MEGF10: variants seen among roughly 807,000 people sequenced by gnomAD.
MEGF10 encodes multiple EGF like domains 10, also known as multiple epidermal growth factor-like domains protein 10.
A neutral mutation model predicts 147.5 loss-of-function variants in MEGF10; 86 were observed. The ratio of observed to expected loss-of-function variants is 0.58; its 90% confidence interval spans 0.49 to 0.70. The LOEUF (loss-of-function observed/expected upper bound fraction) is 0.70. Ranked by LOEUF, MEGF10 falls within the 30% of genes least tolerant of loss-of-function variation. MEGF10 has a pLI of 0.00. For synonymous variants in MEGF10, 478 were observed against 525.5 expected (o/e 0.91, Z 1.24); for missense variants, 1,329 against 1,487.3 (o/e 0.89, Z 1.75).
At chr5:127,355,571 G>C (rs1332876331) in intron 4 of MEGF10, among the ~76,000 whole-genome samples, 1 of 152,126 alleles carries the variant, frequency 6.6e-6, no homozygotes, top group Non-Finnish European at 1.5e-5. Context: ...ACAGGGGAAG[G>C]CCTTTTGTCC....
intron 1 of MEGF10, among the ~76,000 whole-genome samples, chr5:127,318,300 G>T (rs181670781): frequency 6.6e-6 from 1 of 152,274 alleles, no homozygotes; most frequent in East Asian, 1.9e-4. Context: ...GCACTAGGTT[G>T]TAGCAGCCTG....
At chr5:127,315,398 A>G (rs1022502235) in intron 1 of MEGF10, among the ~76,000 whole-genome samples, 1 of 152,188 alleles carries the variant, frequency 6.6e-6, no homozygotes, top group Non-Finnish European at 1.5e-5. Context: ...GTCCATTAAT[A>G]TATTTTAAAA....
chr5:127,387,637 T>C (rs1280018142), intron 5 of MEGF10, among the ~76,000 whole-genome samples: 2 of 152,202 alleles, frequency 1.3e-5, no homozygotes, highest in African/African-American at 4.8e-5. Flanking sequence ...ATTGCATTGA[T>C]GGATTTGGGT....
At chr5:127,418,210 T>C (rs932033839) in intron 10 of MEGF10, among the ~76,000 whole-genome samples, 1 of 152,234 alleles carries the variant, frequency 6.6e-6, no homozygotes, top group African/African-American at 2.4e-5. Flanking sequence ...TTGTAATGTA[T>C]TTACATTCTG....
intron 4 of MEGF10, among the ~76,000 whole-genome samples, chr5:127,364,704 A>G (rs533620974): frequency 7.2e-5 from 11 of 152,324 alleles, no homozygotes; most frequent in Middle Eastern, 3.4e-3. Context: ...TGTGGGGAAG[A>G]TAAAGTATAT....
intron 1 of MEGF10, among the ~76,000 whole-genome samples, chr5:127,314,501 C>G (rs186962217): frequency 2.6e-5 from 4 of 152,286 alleles, no homozygotes; most frequent in Non-Finnish European, 4.4e-5. Context: ...TTAGAGATTT[C>G]TATGCAGTTT....
chr5:127,440,317 T>C (rs1456603175), intron 17 of MEGF10, among the ~76,000 whole-genome samples: 1 of 152,248 alleles, frequency 6.6e-6, no homozygotes, highest in Non-Finnish European at 1.5e-5. Flanking sequence ...AGAGATGTTC[T>C]GTACTACAAG....
At chr5:127,250,575 AAAC>A in the MEGF10 span, among the ~76,000 whole-genome samples, 2 of 152,066 alleles carry the variant, frequency 1.3e-5, no homozygotes, top group African/African-American at 4.8e-5. Context: ...AAATCATTAG[AAAC>A]ATTCCTACTA....
At chr5:127,404,019 C>G (rs141826932) in intron 8 of MEGF10, among the ~76,000 whole-genome samples, 64 of 152,292 alleles carry the variant, frequency 4.2e-4, no homozygotes, top group African/African-American at 1.5e-3. Flanking sequence ...AACCTCCAAA[C>G]TGTTCTCCAT....
chr5:127,240,590 TC>T, the MEGF10 span, among the ~76,000 whole-genome samples: 1 of 152,252 alleles, frequency 6.6e-6, no homozygotes, highest in African/African-American at 2.4e-5. Flanking sequence ...TGTGATCCCC[TC>T]TGACAATATG....
chr5:127,314,845 T>TA (rs1760455061), intron 1 of MEGF10, among the ~76,000 whole-genome samples: 1 of 152,208 alleles, frequency 6.6e-6, no homozygotes, highest in Non-Finnish European at 1.5e-5. Context: ...TTAGGAAGTT[T>TA]AAAATCTTGA....
chr5:127,397,370 T>C (rs772234486), intron 6 of MEGF10, among the ~76,000 whole-genome samples: 1 of 152,200 alleles, frequency 6.6e-6, no homozygotes, highest in Non-Finnish European at 1.5e-5. Context: ...ACACACATAG[T>C]TTAATTCTTT....
In MEGF10 at chr5:127,331,346, G is replaced by T; in HGVS notation, c.38G>T (p.Cys13Phe). 1.2e-6 allele frequency: 2 copies of T among 1,613,048 alleles called. No homozygotes were observed. Among genetic ancestry groups the T allele is most frequent in the Non-Finnish European group, 1.7e-6 (2 of 1,179,304 alleles). Residue 13 changes from cysteine to phenylalanine, a missense_variant, in exon 2 of 25, where the codon TGT becomes TTT. By Grantham distance (205) the Cys-to-Phe change is radical. This residue lies in a region of MEGF10 where 980 missense variants were observed against 1,085.9 expected (regional missense o/e 0.90). Coordinates refer to ENST00000503335, the MANE Select transcript of MEGF10 (RefSeq NM_001256545.2). ...ISLNSCLSFICLLLCHWIGTA... is the reference protein window; with the variant it reads ...ISLNSCLSFIFLLLCHWIGTA... ...TTGAACTCATGCCTGAGCTTTATTT[G>T]TTTATTGTTATGCCACTGGATTGGG...
At chr5:127,247,365 GAAGAAGAAGAAGAAGAAGAAGAA>G in the MEGF10 span, among the ~76,000 whole-genome samples, 1 of 4,008 alleles carries the variant, frequency 2.5e-4, no homozygotes, top group Non-Finnish European at 4.9e-4. Context: ...AGAAGAAGAA[GAAGAAGAAGAAGAAGAAGAAGAA>G]GAAGAAGAAG....
intron 22 of MEGF10, among the ~76,000 whole-genome samples, chr5:127,451,168 C>G (rs1039206801): frequency 6.6e-6 from 1 of 152,144 alleles, no homozygotes; most frequent in African/African-American, 2.4e-5. Context: ...TCTGAAATTT[C>G]AAAGAAGGAA....
At position 127,443,221 on chromosome 5, in the gene MEGF10, A is replaced by C. The variant is rs113590899; in HGVS notation, c.2491+95A>C. On this transcript the variant is annotated intron_variant, in intron 19 of 24. Coordinates refer to ENST00000503335, the MANE Select transcript of MEGF10 (RefSeq NM_001256545.2). ...TATTTTCACTTATGTTATCCAGCAG[A>C]ATCTTCACCACAACTCTAAATGGCA... 600 of 1,299,086 alleles carry C rather than the reference A, an allele frequency of 4.6e-4. No homozygotes were observed. The African/African-American group carries it at 8.0e-3, about 17-fold the overall frequency. The allele number at this position is 1,299,086 out of a possible 1,614,324, so 80.5% of individuals were successfully genotyped here. A position where few individuals can be genotyped will look rare whatever the true frequency, so the allele number is the denominator to read the frequency against.
At chr5:127,433,546 T>C in intron 14 of MEGF10, 37 bp downstream of exon 14, 1 of 1,560,286 alleles carries the variant, frequency 6.4e-7, no homozygotes, top group Non-Finnish European at 8.7e-7. Flanking sequence ...CCACCTTCCC[T>C]TCCCTGGGCA....
the MEGF10 span, among the ~76,000 whole-genome samples, chr5:127,277,770 A>G: frequency 6.6e-6 from 1 of 152,218 alleles, no homozygotes; most frequent in African/African-American, 2.4e-5. Flanking sequence ...ATTTGCTTAT[A>G]GTTTGAATGG....
chr5:127,305,477 G>A (rs1323372654), intron 1 of MEGF10, among the ~76,000 whole-genome samples: 2 of 152,150 alleles, frequency 1.3e-5, no homozygotes, highest in African/African-American at 2.4e-5. Context: ...CCTGCTTCCA[G>A]AAGAGTGATG....
Sources: gnomAD v4.1 joint callset for allele counts (sites outside exome capture counted in the v4.1 genomes callset) on GRCh38, gnomAD v4.1.1 for gene constraint, gnomAD v4.1.1 regional missense constraint, MANE v1.5 for transcripts, NCBI Gene and HGNC (gene_info 2026-07-23, HGNC 2026-07-21) for gene names.